BNIP3L: variants seen among roughly 807,000 people sequenced by gnomAD.
BNIP3L encodes the protein BCL2/adenovirus E1B 19 kDa protein-interacting protein 3-like.
A neutral mutation model predicts 25.5 loss-of-function variants in BNIP3L; 10 were observed. The ratio of observed to expected loss-of-function variants is 0.39; its 90% CI spans 0.24 to 0.67. BNIP3L has a LOEUF of 0.67. BNIP3L is among the 30% of genes least tolerant of loss of function. The pLI is 0.45. For synonymous variants in BNIP3L, 113 were observed against 101.2 expected, an observed-to-expected ratio of 1.12 and a Z score of -0.70; for missense variants, 215 against 270.9, an observed-to-expected ratio of 0.79 and a Z score of 1.45.
intron 3 of BNIP3L, among the ~76,000 whole-genome samples, chr8:26,404,682 A>G (rs1299803086): frequency 6.6e-6 from 1 of 152,012 alleles, no homozygotes; most frequent in Non-Finnish European, 1.5e-5. Flanking sequence ...TAATTTTTGT[A>G]TTTTTAGTAG....
intron 3 of BNIP3L, among the ~76,000 whole-genome samples, chr8:26,406,263 A>T (rs1806497784): frequency 6.6e-6 from 1 of 152,212 alleles, no homozygotes; most frequent in African/African-American, 2.4e-5. Context: ...TATTCCCAAA[A>T]ACTTTTGGCT....
At position 26,383,083 on chromosome 8, in the gene BNIP3L, T is replaced by A; in HGVS notation, c.-48T>A. 3 of 1,501,464 alleles carry A rather than the reference T, an allele frequency of 2.0e-6. No homozygotes were observed. Among genetic ancestry groups the A allele is most frequent in the South Asian group, 1.2e-5 (1 of 83,438 alleles). 93.0% of individuals were successfully genotyped at this position (1,501,464 alleles called of 1,614,324 possible). ...TCGGCTTGTTGTGTTGCTGCCTGAG[T>A]GCCGGAGACGGTCCTGCTGCTGCCG... On this transcript the variant is annotated 5_prime_UTR_variant, in exon 1 of 6. Coordinates refer to ENST00000380629, the MANE Select transcript of BNIP3L (RefSeq NM_004331.3).
chr8:26,405,541 G>A (rs1292384277), intron 3 of BNIP3L, among the ~76,000 whole-genome samples: 1 of 152,156 alleles, frequency 6.6e-6, no homozygotes, highest in Non-Finnish European at 1.5e-5. Flanking sequence ...CCTGTCTGAA[G>A]CTCCTTCCTG....
rs1260966612 is a variant in BNIP3L at position 26,412,872 on chromosome 8, A to G, written c.*2460A>G. The G allele has an allele frequency of 1.3e-5, 2 of 152,640 alleles. No homozygotes were observed. The highest frequency in any genetic ancestry group is 2.9e-5 in the Non-Finnish European group (2 of 68,046). 9.5% of individuals were successfully genotyped at this position (152,640 alleles called of 1,614,324 possible). A position where few individuals can be genotyped will look rare whatever the true frequency, so the allele number is the denominator to read the frequency against. ...AGAGCAAAACTGCACAAACTTGCACATTGGAAAGTGCAACAAGTTCCCGTG... is the reference window on the plus strand; with the variant it reads ...AGAGCAAAACTGCACAAACTTGCACGTTGGAAAGTGCAACAAGTTCCCGTG... On this transcript the variant is annotated 3_prime_UTR_variant, in exon 6 of 6. Coordinates refer to ENST00000380629, the MANE Select transcript of BNIP3L (RefSeq NM_004331.3).
intron 4 of BNIP3L, 22 bp downstream of exon 4, chr8:26,408,125 G>A (rs1218368024): frequency 3.1e-6 from 5 of 1,613,116 alleles, no homozygotes; most frequent in Admixed American, 1.7e-5. Context: ...CATGTTTCTT[G>A]TCAGTGGACA....
At chr8:26,388,380 C>G (rs553832980) in intron 1 of BNIP3L, among the ~76,000 whole-genome samples, 1 of 152,120 alleles carries the variant, frequency 6.6e-6, no homozygotes, top group Non-Finnish European at 1.5e-5. Context: ...AACTGAGGCA[C>G]AAAGAGGTTA....
At chr8:26,393,823 A>G (rs1806166975) in intron 2 of BNIP3L, among the ~76,000 whole-genome samples, 3 of 152,200 alleles carry the variant, frequency 2.0e-5, no homozygotes, top group East Asian at 1.9e-4. Flanking sequence ...TCCTAAATAT[A>G]TATGACGTTG....
Position 26,383,062 on chromosome 8 carries a change from CTTG to C in BNIP3L, c.-64_-62del, listed in dbSNP as rs1462970634. ...GCAGAAAAGGGGGCGGCGGACTCGGCTTGTTGTGTTGCTGCCTGAGTGCCGGAG... is the reference window on the plus strand; with the variant it reads ...GCAGAAAAGGGGGCGGCGGACTCGGCTTGTGTTGCTGCCTGAGTGCCGGAG... On this transcript the variant is annotated 5_prime_UTR_variant, in exon 1 of 6. Coordinates refer to ENST00000380629, the MANE Select transcript of BNIP3L (RefSeq NM_004331.3). 34 of 1,432,478 alleles carry C rather than the reference CTTG, an allele frequency of 2.4e-5. No individual in the cohort carries two copies. Among genetic ancestry groups the C allele is most frequent in the East Asian group, 7.5e-5 (3 of 40,266 alleles). 88.7% of individuals were successfully genotyped at this position (1,432,478 alleles called of 1,614,324 possible).
rs1168115161 is a variant in BNIP3L, at chr8:26,396,528, A to T, written c.357+1226A>T. Among the ~76,000 whole-genome samples the T allele has an allele frequency of 1.3e-3, 168 of 132,130 alleles. 2 individuals carry two copies. Among genetic ancestry groups the T allele is most frequent in the African/African-American group, 4.2e-3 (146 of 34,472 alleles). The allele number at this position is 132,130 out of a possible 152,430, so 86.7% of individuals were successfully genotyped here. Reference sequence around the variant, plus strand: ...ATAAAACCACAAAGATGGGGAAAAAACAGAACAGAAAAACTGGAAACTCTA... The same window carrying T: ...ATAAAACCACAAAGATGGGGAAAAATCAGAACAGAAAAACTGGAAACTCTA... On this transcript the variant is annotated intron_variant, in intron 3 of 5. Transcript: ENST00000380629.
intron 1 of BNIP3L, among the ~76,000 whole-genome samples, 189 bp from the exon 2 acceptor site, chr8:26,391,054 G>T (rs541012827): frequency 4.0e-5 from 6 of 151,564 alleles, no homozygotes; most frequent in African/African-American, 1.5e-4. Context: ...TTGATGGCAT[G>T]AGCTATTTCA....
intron 1 of BNIP3L, among the ~76,000 whole-genome samples, chr8:26,385,269 A>G (rs1448100293): frequency 1.3e-5 from 2 of 152,006 alleles, no homozygotes; most frequent in South Asian, 4.1e-4. Flanking sequence ...AGGGATTTTC[A>G]TCTTCCTTTG....
intron 3 of BNIP3L, among the ~76,000 whole-genome samples, chr8:26,402,049 C>T (rs1430511028): frequency 3.3e-5 from 5 of 152,112 alleles, no homozygotes; most frequent in Admixed American, 2.6e-4. Context: ...CTTGTTTTGT[C>T]GGGTTCTCAC....
intron 3 of BNIP3L, among the ~76,000 whole-genome samples, chr8:26,406,397 G>A (rs1172769627): frequency 6.6e-6 from 1 of 152,186 alleles, no homozygotes; most frequent in Non-Finnish European, 1.5e-5. Context: ...TCCTGGGTTT[G>A]AATACTGGCC....
intron 5 of BNIP3L, among the ~76,000 whole-genome samples, chr8:26,409,297 G>T (rs770833317): frequency 2.0e-5 from 3 of 152,098 alleles, no homozygotes; most frequent in Non-Finnish European, 4.4e-5. Context: ...TTAAACAGTA[G>T]CTGTTAATTT....
chr8:26,388,673 A>T (rs926144364), intron 1 of BNIP3L, among the ~76,000 whole-genome samples: 10 of 152,272 alleles, frequency 6.6e-5, no homozygotes, highest in African/African-American at 2.2e-4. Context: ...AAAGTCCTTC[A>T]AAAAAGTAAA....
intron 3 of BNIP3L, among the ~76,000 whole-genome samples, chr8:26,401,833 A>G (rs768585306): frequency 1.3e-5 from 2 of 152,232 alleles, no homozygotes; most frequent in African/African-American, 2.4e-5. Flanking sequence ...TGTTTGTGTT[A>G]TAAGACTTAA....
rs1343720180 is a variant in BNIP3L, at chr8:26,401,543, G to A, written c.357+6241G>A. Among the ~76,000 whole-genome samples the A allele has an allele frequency of 3.0e-5, 4 of 132,902 alleles. No individual in the cohort carries two copies. The East Asian group carries it at 9.7e-4, about 32-fold the overall frequency. The allele number at this position is 132,902 out of a possible 152,430, so 87.2% of individuals were successfully genotyped here. On this transcript the variant is annotated intron_variant, in intron 3 of 5. Coordinates refer to ENST00000380629, the MANE Select transcript of BNIP3L (RefSeq NM_004331.3). Reference sequence around the variant, plus strand: ...TAACTAACCTGCACAATGTGCACATGTACCCTAAAACTTAAATTAAAAAAA... The same window carrying A: ...TAACTAACCTGCACAATGTGCACATATACCCTAAAACTTAAATTAAAAAAA...
chr8:26,384,954 TAG>T lies in BNIP3L; in HGVS notation c.100+1729_100+1730del, dbSNP rs1179165039. On this transcript the variant is annotated intron_variant, in intron 1 of 5. Transcript: ENST00000380629. Reference sequence around the variant, plus strand: ...GCTAGGCTAATTTTTGTATTTTCAGTAGAGAGGGGGTTGTTGGTCTCTCACCA... The same window carrying T: ...GCTAGGCTAATTTTTGTATTTTCAGTAGAGGGGGTTGTTGGTCTCTCACCA... Among the ~76,000 whole-genome samples, 12 of 152,094 alleles carry T rather than the reference TAG, an allele frequency of 7.9e-5. No homozygotes were observed. In the East Asian group the frequency reaches 2.1e-3, roughly 27 times the overall value.
At position 26,390,303 on chromosome 8, in the gene BNIP3L, A is replaced by T. The variant is rs1239146703; in HGVS notation, c.101-940A>T. 5 of 958,326 alleles carry T rather than the reference A, an allele frequency of 5.2e-6. No homozygotes were observed. The East Asian group carries it at 5.7e-4, about 110-fold the overall frequency. 59.4% of individuals were successfully genotyped at this position (958,326 alleles called of 1,614,324 possible). ...CCTTAATACGTTTAGCAAACTCATCAGACCAATAAATATTTTCAAGATGTA... is the reference window on the plus strand; with the variant it reads ...CCTTAATACGTTTAGCAAACTCATCTGACCAATAAATATTTTCAAGATGTA... On this transcript the variant is annotated intron_variant, in intron 1 of 5. Transcript: ENST00000380629.
Sources: allele counts gnomAD v4.1 joint callset (sites outside exome capture counted in the v4.1 genomes callset), GRCh38; gene constraint gnomAD v4.1.1; transcripts MANE v1.5; gene names NCBI Gene and HGNC (gene_info 2026-07-23, HGNC 2026-07-21).